VPS13B: variants seen among roughly 807,000 people sequenced by gnomAD.
The protein encoded by VPS13B is intermembrane lipid transfer protein VPS13B.
Under a neutral mutation model 426.4 loss-of-function variants are expected in VPS13B, and 285 were observed. That is an observed-to-expected ratio of 0.67 (90% CI 0.61 to 0.74). VPS13B has a LOEUF of 0.74. Among genes scored for constraint, VPS13B ranks in the 30% least tolerant of loss-of-function variants. The pLI is 0.00. For synonymous variants in VPS13B, 1,676 were observed against 1,676.4 expected (o/e 1.00, Z 0.01); for missense variants, 4,537 against 4,782.6 (o/e 0.95, Z 1.51).
chr8:99,200,723 G>A (rs1022000093), intron 17 of VPS13B, among the ~76,000 whole-genome samples: 10 of 151,878 alleles, frequency 6.6e-5, no homozygotes, highest in African/African-American at 1.9e-4. Flanking sequence ...CAAATCCTTT[G>A]CTTATTTTAA....
chr8:99,698,125 G>A (rs920523968), intron 35 of VPS13B: 4 of 258,352 alleles, frequency 1.5e-5, no homozygotes, highest in Admixed American at 1.5e-4. Context: ...TACATTGGCT[G>A]GAATGAATCA....
chr8:99,676,260 G>T (rs1357124744), intron 35 of VPS13B, among the ~76,000 whole-genome samples: 2 of 152,114 alleles, frequency 1.3e-5, no homozygotes, highest in Non-Finnish European at 2.9e-5. Flanking sequence ...ACCAAGGTTG[G>T]CACAGTGCTG....
At chr8:99,797,871 C>A (rs1481566436) in intron 43 of VPS13B, among the ~76,000 whole-genome samples, 4 of 152,094 alleles carry the variant, frequency 2.6e-5, no homozygotes, top group African/African-American at 9.7e-5. Flanking sequence ...GATGTCATTA[C>A]AAGTTAAATT....
intron 17 of VPS13B, among the ~76,000 whole-genome samples, chr8:99,266,507 G>A (rs1224444046): frequency 3.9e-5 from 6 of 152,024 alleles, no homozygotes; most frequent in Non-Finnish European, 1.5e-5. Flanking sequence ...CTAGGAGGAT[G>A]ATATGATTTG....
At chr8:99,349,344 A>G (rs979131270) in intron 19 of VPS13B, among the ~76,000 whole-genome samples, 29 of 149,582 alleles carry the variant, frequency 1.9e-4, no homozygotes, top group Non-Finnish European at 2.7e-4. Flanking sequence ...AAAAAAAAAA[A>G]AAAAAAAAAA....
chr8:99,348,782 T>G (rs1811691933), intron 19 of VPS13B, among the ~76,000 whole-genome samples: 1 of 152,184 alleles, frequency 6.6e-6, no homozygotes, highest in Admixed American at 6.5e-5. Context: ...ATAAATCACT[T>G]GTTTCCTGCC....
rs1554824647 is a variant in VPS13B at position 99,507,137 on chromosome 8, G to A, written c.4158G>A (p.Arg1386=). The A allele has an allele frequency of 6.2e-7, 1 of 1,613,944 alleles. No homozygotes were observed. Among genetic ancestry groups the A allele is most frequent in the East Asian group, 2.2e-5 (1 of 44,856 alleles). ...GATAAGGTGAACTTATGTTTTCCAGGCCAGGGGAAGGTTGGCAGTCAGGAC... is the reference window on the plus strand; with the variant it reads ...GATAAGGTGAACTTATGTTTTCCAGACCAGGGGAAGGTTGGCAGTCAGGAC... ...ESFNIDHYRS[R]PGEGWQSGHF... Residue 1386 remains arginine, a splice_region_variant and synonymous_variant, in exon 28 of 62, where the codon AGG becomes AGA. Coordinates refer to ENST00000357162, the MANE Select transcript of VPS13B (RefSeq NM_152564.5).
chr8:99,332,907 A>G (rs1428168091), intron 19 of VPS13B, among the ~76,000 whole-genome samples: 5 of 151,654 alleles, frequency 3.3e-5, no homozygotes, highest in African/African-American at 4.8e-5. Flanking sequence ...GTCAAATATA[A>G]TAGTGTTGCT....
chr8:99,162,716 G>A (rs1420825548), intron 15 of VPS13B, among the ~76,000 whole-genome samples: 1 of 152,236 alleles, frequency 6.6e-6, no homozygotes, highest in Non-Finnish European at 1.5e-5. Context: ...TTCGCGGTGA[G>A]TGTTACAGCT....
intron 35 of VPS13B, chr8:99,697,769 A>T (rs1832095381): frequency 6.4e-6 from 4 of 628,306 alleles, no homozygotes; most frequent in African/African-American, 1.8e-5. Flanking sequence ...CATCAGTGTC[A>T]CTGAGCTCAT....
chr8:99,350,372 C>T (rs530673513), intron 19 of VPS13B, among the ~76,000 whole-genome samples: 194 of 152,162 alleles, frequency 1.3e-3, no homozygotes, highest in African/African-American at 4.3e-3. Context: ...ATGTGTTTTG[C>T]GAAGATCATT....
chr8:99,587,450 G>C lies in VPS13B; in HGVS notation c.5220+9817G>C, dbSNP rs1237616617. ...TTATACTCCCACCAACAGTGTAAAA[G>C]TGTTCCTATTTCTCCACATCCTCCC... On this transcript the variant is annotated intron_variant, in intron 33 of 61. Transcript: ENST00000357162. Among the ~76,000 whole-genome samples, 2 of 151,648 alleles carry C rather than the reference G, an allele frequency of 1.3e-5. 1 individual carries two copies. The highest frequency in any genetic ancestry group is 4.9e-5 in the African/African-American group (2 of 40,960).
At chr8:99,684,264 T>C (rs1017458206) in intron 35 of VPS13B, among the ~76,000 whole-genome samples, 2 of 152,244 alleles carry the variant, frequency 1.3e-5, no homozygotes, top group Admixed American at 6.5e-5. Flanking sequence ...GTATATTGTT[T>C]TTTATACTTT....
chr8:99,334,983 G>T (rs1489103958), intron 19 of VPS13B, among the ~76,000 whole-genome samples: 1 of 152,046 alleles, frequency 6.6e-6, no homozygotes, highest in Non-Finnish European at 1.5e-5. Context: ...AATCCATCTG[G>T]TCCTGGACTC....
intron 43 of VPS13B, among the ~76,000 whole-genome samples, 195 bp downstream of exon 43, chr8:99,784,671 T>A (rs1291085712): frequency 1.3e-5 from 2 of 152,140 alleles, no homozygotes; most frequent in African/African-American, 4.8e-5. Flanking sequence ...ATTTTCCTGT[T>A]TAGCACTGGT....
intron 17 of VPS13B, among the ~76,000 whole-genome samples, chr8:99,251,617 G>A (rs1563627593): frequency 6.6e-6 from 1 of 152,028 alleles, no homozygotes; most frequent in Non-Finnish European, 1.5e-5. Flanking sequence ...TATTGATGAG[G>A]AATCTTTGTC....
chr8:99,544,361 C>G (rs1054187933), intron 30 of VPS13B, among the ~76,000 whole-genome samples: 3 of 151,948 alleles, frequency 2.0e-5, no homozygotes, highest in African/African-American at 4.8e-5. Context: ...ATACCTAATG[C>G]TAGATGATGA....
At chr8:99,359,733 T>C (rs73287848) in intron 19 of VPS13B, among the ~76,000 whole-genome samples, 2,567 of 152,348 alleles carry the variant, frequency 0.017, 65 homozygotes, top group African/African-American at 0.059. Context: ...CATTGAGTAG[T>C]GTGCCCATTC....
chr8:99,697,327 C>T, intron 35 of VPS13B: 2 of 566,994 alleles, frequency 3.5e-6, no homozygotes, highest in Non-Finnish European at 6.3e-6. Context: ...GGTGTGGAAG[C>T]CACCCCTCGA....
Sources: allele counts gnomAD v4.1 joint callset (sites outside exome capture counted in the v4.1 genomes callset), GRCh38; gene constraint gnomAD v4.1.1; transcripts MANE v1.5; gene names NCBI Gene and HGNC (gene_info 2026-07-23, HGNC 2026-07-21).